The following CSMD2 variants were observed in gnomAD, a reference collection of about 807,000 sequenced individuals.
CSMD2 encodes the protein CUB and Sushi multiple domains 2.
Under a neutral mutation model 398.5 loss-of-function variants are expected in CSMD2, and 130 were observed. The observed-to-expected ratio is 0.33, with a 90% CI of 0.28 to 0.38. CSMD2 has a LOEUF of 0.38. Ranked by LOEUF, CSMD2 falls within the 10% of genes least tolerant of loss-of-function variation. CSMD2 has a pLI of 1.00. For missense variants in CSMD2, 3,829 were observed against 4,764.9 expected, an observed-to-expected ratio of 0.80 and a Z score of 5.78; for synonymous variants, 1,828 against 1,908.5, an observed-to-expected ratio of 0.96 and a Z score of 1.10.
intron 2 of CSMD2, among the ~76,000 whole-genome samples, chr1:34,077,319 C>T (rs1320526064): frequency 1.1e-4 from 17 of 148,582 alleles, no homozygotes; most frequent in Non-Finnish European, 1.6e-4. Context: ...TAGCCGGGCG[C>T]GGTGGCGGGC....
At chr1:33,831,131 C>T (rs1171865081) in intron 6 of CSMD2, among the ~76,000 whole-genome samples, 1 of 151,866 alleles carries the variant, frequency 6.6e-6, no homozygotes, top group Non-Finnish European at 1.5e-5. Context: ...GCAAGGCAGG[C>T]CAACGTTCAG....
chr1:33,648,028 T>C (rs1029931768), intron 28 of CSMD2, among the ~76,000 whole-genome samples: 1 of 152,208 alleles, frequency 6.6e-6, no homozygotes, highest in Admixed American at 6.5e-5. Flanking sequence ...TTCTACTTGA[T>C]GGGTGTCAAA....
chr1:33,788,859 C>A (rs1653877805), intron 11 of CSMD2, 147 bp from the exon 12 acceptor site: 1 of 608,662 alleles, frequency 1.6e-6, no homozygotes, highest in East Asian at 2.8e-5. Context: ...GACTCTGGAG[C>A]CCAGCAGCAT....
chr1:33,641,217 C>A (rs1194269069), intron 29 of CSMD2, among the ~76,000 whole-genome samples: 1 of 152,186 alleles, frequency 6.6e-6, no homozygotes, highest in Non-Finnish European at 1.5e-5. Flanking sequence ...CCTCACTCAC[C>A]TGTAAGTTAC....
intron 23 of CSMD2, among the ~76,000 whole-genome samples, chr1:33,699,994 A>C (rs995640560): frequency 3.5e-5 from 5 of 144,710 alleles, no homozygotes; most frequent in Admixed American, 7.3e-5. Flanking sequence ...ATGTCAAAGC[A>C]TGTATACTTT....
chr1:33,676,371 T>A (rs1289118718), intron 25 of CSMD2, among the ~76,000 whole-genome samples: 1 of 151,906 alleles, frequency 6.6e-6, no homozygotes, highest in Non-Finnish European at 1.5e-5. Context: ...TGCTTCAAAG[T>A]GAGTAAAATA....
chr1:34,021,107 A>G (rs1000708746), intron 3 of CSMD2, among the ~76,000 whole-genome samples: 1 of 152,224 alleles, frequency 6.6e-6, no homozygotes, highest in Admixed American at 6.5e-5. Context: ...AAAGGTAGAA[A>G]GAATAATCCA....
chr1:34,054,794 G>A (rs1243014804), intron 2 of CSMD2, among the ~76,000 whole-genome samples: 2 of 152,102 alleles, frequency 1.3e-5, no homozygotes, highest in African/African-American at 4.8e-5. Context: ...TGGAGCTGGT[G>A]ATTGTCTCTT....
chr1:33,989,546 C>T (rs999927271), intron 3 of CSMD2, among the ~76,000 whole-genome samples: 4 of 152,230 alleles, frequency 2.6e-5, no homozygotes, highest in Admixed American at 2.6e-4. Flanking sequence ...AGCAGGTTTA[C>T]TTATAATGAC....
At chr1:34,135,150 G>A (rs1771386) in intron 1 of CSMD2, among the ~76,000 whole-genome samples, 108,106 of 151,862 alleles carry the variant, frequency 0.71, 39,726 homozygotes, top group Non-Finnish European at 0.81. Context: ...TATTGGCAGT[G>A]TTTAAATTAA....
intron 3 of CSMD2, among the ~76,000 whole-genome samples, chr1:33,978,655 C>G (rs550855987): frequency 3.3e-5 from 5 of 152,158 alleles, no homozygotes; most frequent in African/African-American, 1.2e-4. Flanking sequence ...ATGCAAAGGC[C>G]AGGAGAGGAC....
At chr1:33,859,116 C>T (rs1461861741) in intron 5 of CSMD2, among the ~76,000 whole-genome samples, 1 of 152,190 alleles carries the variant, frequency 6.6e-6, no homozygotes, top group Non-Finnish European at 1.5e-5. Flanking sequence ...GTGCTAGTTT[C>T]CTATTGCTGC....
At chr1:34,045,918 A>G (rs1479828980) in intron 2 of CSMD2, among the ~76,000 whole-genome samples, 1 of 152,252 alleles carries the variant, frequency 6.6e-6, no homozygotes, top group Admixed American at 6.5e-5. Flanking sequence ...CCTGAAAAAA[A>G]TAAGTAATTT....
At chr1:33,767,367 A>G (rs1650640759) in intron 13 of CSMD2, among the ~76,000 whole-genome samples, 2 of 152,218 alleles carry the variant, frequency 1.3e-5, no homozygotes, top group Admixed American at 1.3e-4. Flanking sequence ...TATTTAAACC[A>G]TTAAATTAGC....
At chr1:33,737,295 T>C (rs374347945) in intron 15 of CSMD2, among the ~76,000 whole-genome samples, 30 of 152,250 alleles carry the variant, frequency 2.0e-4, no homozygotes, top group African/African-American at 7.0e-4. Flanking sequence ...CTGCGGGAAG[T>C]TTGGAAGTCA....
At chr1:33,806,792 A>C (rs1656282530) in intron 10 of CSMD2, among the ~76,000 whole-genome samples, 1 of 152,192 alleles carries the variant, frequency 6.6e-6, no homozygotes, top group South Asian at 2.1e-4. Context: ...CAGTGAATGG[A>C]TTTAACAGAG....
intron 2 of CSMD2, among the ~76,000 whole-genome samples, chr1:34,034,561 A>G (rs1397197381): frequency 6.6e-6 from 1 of 152,214 alleles, no homozygotes; most frequent in East Asian, 1.9e-4. Flanking sequence ...AAGAGAAGAG[A>G]AACAGAACCC....
chr1:33,599,633 G>C (rs1021787413), intron 44 of CSMD2: 1 of 152,898 alleles, frequency 6.5e-6, no homozygotes, highest in Non-Finnish European at 1.5e-5. Context: ...CTATGGGAAA[G>C]TCACAAGTCA....
intron 3 of CSMD2, among the ~76,000 whole-genome samples, chr1:33,951,370 C>T (rs530974749): frequency 6.6e-6 from 1 of 152,302 alleles, no homozygotes; most frequent in South Asian, 2.1e-4. Context: ...TGAATGTCCT[C>T]CCTGCCCTCA....
Sources: gnomAD v4.1 joint callset for allele counts (sites outside exome capture counted in the v4.1 genomes callset) on GRCh38, gnomAD v4.1.1 for gene constraint, MANE v1.5 for transcripts, NCBI Gene and HGNC (gene_info 2026-07-23, HGNC 2026-07-21) for gene names.